The following THSD4 variants were observed in gnomAD, a reference collection of about 807,000 sequenced individuals.
The protein encoded by THSD4 is thrombospondin type 1 domain containing 4.
A neutral mutation model predicts 119.0 loss-of-function variants in THSD4; 69 were observed. The observed-to-expected ratio is 0.58, with a 90% confidence interval of 0.48 to 0.71. THSD4 has a LOEUF of 0.71. Ranked by LOEUF, THSD4 falls within the 30% of genes least tolerant of loss-of-function variation. The probability of loss-of-function intolerance (pLI) is 0.00; values close to 1 mark genes in which losing one functional copy is unlikely to be tolerated. For missense variants in THSD4, 1,393 were observed against 1,391.1 expected, an observed-to-expected ratio of 1.00 and a Z score of -0.02; for synonymous variants, 524 against 540.4, an observed-to-expected ratio of 0.97 and a Z score of 0.42.
chr15:71,225,598 A>G (rs1182100219), intron 4 of THSD4, among the ~76,000 whole-genome samples: 1 of 122,392 alleles, frequency 8.2e-6, no homozygotes, highest in Non-Finnish European at 1.6e-5. Context: ...CCCAGGCGGG[A>G]GTGCAGTGGC....
intron 6 of THSD4, among the ~76,000 whole-genome samples, chr15:71,406,721 C>T (rs2046614499): frequency 7.0e-6 from 1 of 142,634 alleles, no homozygotes; most frequent in South Asian, 2.4e-4. Context: ...GCTCTGTCAC[C>T]CAGGCTGGAG....
chr15:71,452,647 C>G (rs2047282062), intron 7 of THSD4, among the ~76,000 whole-genome samples: 1 of 151,854 alleles, frequency 6.6e-6, no homozygotes, highest in South Asian at 2.1e-4. Flanking sequence ...CGGAGTTTTG[C>G]TCTTGTCGCT....
chr15:71,525,559 A>G (rs929291048), intron 7 of THSD4, among the ~76,000 whole-genome samples: 1 of 152,254 alleles, frequency 6.6e-6, no homozygotes, highest in Non-Finnish European at 1.5e-5. Context: ...ATACAGATGT[A>G]CAATGTACAG....
chr15:71,468,606 A>G (rs1201217978), intron 7 of THSD4, among the ~76,000 whole-genome samples: 1 of 152,226 alleles, frequency 6.6e-6, no homozygotes, highest in Non-Finnish European at 1.5e-5. Context: ...ATAATAAAAC[A>G]TTACTTTTAG....
At chr15:71,589,345 ATTAT>A (rs148026413) in intron 7 of THSD4, among the ~76,000 whole-genome samples, 3,434 of 119,348 alleles carry the variant, frequency 0.029, 406 homozygotes, top group African/African-American at 0.092. Context: ...TGTGATATAA[ATTAT>A]TTATTTATTT....
chr15:71,300,026 C>G (rs1245815817), intron 6 of THSD4, among the ~76,000 whole-genome samples: 1 of 147,032 alleles, frequency 6.8e-6, no homozygotes, highest in Non-Finnish European at 1.5e-5. Flanking sequence ...TGGCAGGCAT[C>G]TGTGGTCCCA....
intron 13 of THSD4, 28 bp downstream of exon 13, chr15:71,747,070 A>G (rs938511962): frequency 2.0e-5 from 32 of 1,569,652 alleles, no homozygotes; most frequent in Non-Finnish European, 2.7e-5. Context: ...CCCGCTCTGC[A>G]GCTCCCTCTC....
chr15:71,258,836 C>T (rs2044353874), intron 6 of THSD4, among the ~76,000 whole-genome samples: 1 of 152,088 alleles, frequency 6.6e-6, no homozygotes, highest in African/African-American at 2.4e-5. Context: ...GGCTCTTAAT[C>T]TGGAATGACT....
chr15:71,326,862 G>T (rs2045352617), intron 6 of THSD4, among the ~76,000 whole-genome samples: 1 of 149,322 alleles, frequency 6.7e-6, no homozygotes, highest in Non-Finnish European at 1.5e-5. Flanking sequence ...GCCAGAGCGA[G>T]ACCCTGTCTC....
intron 8 of THSD4, among the ~76,000 whole-genome samples, chr15:71,681,176 A>G (rs1353838656): frequency 2.0e-5 from 3 of 151,454 alleles, no homozygotes; most frequent in Non-Finnish European, 2.9e-5. Context: ...TGGCCTCCCA[A>G]AGTGCTGGGA....
chr15:71,760,000 C>T (rs1422495177), intron 15 of THSD4, among the ~76,000 whole-genome samples: 1 of 152,020 alleles, frequency 6.6e-6, no homozygotes, highest in Non-Finnish European at 1.5e-5. Flanking sequence ...TGACATTATC[C>T]CCAAAGAAAA....
intron 6 of THSD4, among the ~76,000 whole-genome samples, chr15:71,265,065 G>GT (rs1408936616): frequency 6.6e-6 from 1 of 151,988 alleles, no homozygotes; most frequent in African/African-American, 2.4e-5. Context: ...ATTACCTGGG[G>GT]ACCCAGGCCG....
At chr15:71,747,870 G>A (rs1303222723) in intron 13 of THSD4, among the ~76,000 whole-genome samples, 1 of 152,226 alleles carries the variant, frequency 6.6e-6, no homozygotes, top group Non-Finnish European at 1.5e-5. Flanking sequence ...CAGGATGTAA[G>A]CCATGAATCC....
intron 7 of THSD4, among the ~76,000 whole-genome samples, chr15:71,457,257 C>T (rs946433094): frequency 6.6e-5 from 10 of 151,674 alleles, no homozygotes; most frequent in African/African-American, 2.2e-4. Flanking sequence ...GTGGCGTGCT[C>T]CTGTAGTGCC....
intron 6 of THSD4, among the ~76,000 whole-genome samples, chr15:71,396,214 C>T (rs1468219532): frequency 1.3e-5 from 2 of 151,948 alleles, no homozygotes; most frequent in African/African-American, 4.8e-5. Flanking sequence ...CTCTGATACA[C>T]CCACATATCT....
At chr15:71,632,310 A>G (rs1237369055) in intron 7 of THSD4, among the ~76,000 whole-genome samples, 2 of 152,162 alleles carry the variant, frequency 1.3e-5, no homozygotes, top group Admixed American at 1.3e-4. Flanking sequence ...AGACCTTTAA[A>G]GGAGGGATGA....
chr15:71,636,820 C>T (rs1180344566), intron 7 of THSD4, among the ~76,000 whole-genome samples: 1 of 152,202 alleles, frequency 6.6e-6, no homozygotes, highest in Non-Finnish European at 1.5e-5. Flanking sequence ...ACAGGAGGAC[C>T]TGCGAGGCAT....
At position 71,297,320 on chromosome 15, in the gene THSD4, T is replaced by TTTTGTTTG. The variant is rs1555461740; in HGVS notation, c.1015+40629_1015+40636dup. Among the ~76,000 whole-genome samples the TTTTGTTTG allele has an allele frequency of 1.7e-3, 258 of 148,084 alleles. 10 individuals carry two copies. In the South Asian group the frequency reaches 0.038, roughly 22 times the overall value. On this transcript the variant is annotated intron_variant, in intron 6 of 17. Coordinates refer to ENST00000261862, the MANE Select transcript of THSD4 (RefSeq NM_024817.3). ...AAGTCCTTTGCTCTCCTCTTCTTTT[T>TTTTGTTTG]TTTGTTTGTTTGTTTGTTTGTTTGT...
At chr15:71,390,933 C>T (rs1327262979) in intron 6 of THSD4, among the ~76,000 whole-genome samples, 2 of 139,010 alleles carry the variant, frequency 1.4e-5, no homozygotes, top group Admixed American at 7.9e-5. Flanking sequence ...GATCATAGCT[C>T]ACTGCACCCT....
Sources: allele counts gnomAD v4.1 joint callset (sites outside exome capture counted in the v4.1 genomes callset), GRCh38; gene constraint gnomAD v4.1.1; transcripts MANE v1.5; gene names NCBI Gene and HGNC (gene_info 2026-07-23, HGNC 2026-07-21).